The following UBR4 variants were observed in gnomAD, a reference collection of about 807,000 sequenced individuals.
UBR4 encodes ubiquitin protein ligase E3 component n-recognin 4.
UBR4 carries 124 observed loss-of-function variants against 575.6 expected under a neutral mutation model. The ratio of observed to expected loss-of-function variants is 0.22; its 90% confidence interval spans 0.19 to 0.25. The LOEUF (loss-of-function observed/expected upper bound fraction) is 0.25. Among genes scored for constraint, UBR4 ranks in the 10% least tolerant of loss-of-function variants. The pLI is 1.00. For synonymous variants in UBR4, 2,455 were observed against 2,473.7 expected, an observed-to-expected ratio of 0.99 and a Z score of 0.22; for missense variants, 4,818 against 6,478.8, an observed-to-expected ratio of 0.74 and a Z score of 8.80.
At position 19,088,952 on chromosome 1, in the gene UBR4, G is replaced by C. The variant is rs143617535; in HGVS notation, c.14237C>G (p.Pro4746Arg). The change falls in exon 98 of 106, where the codon CCG (proline) becomes CGG (arginine). Residue 4746 changes from proline (P) to arginine (R), a missense_variant. Pro to Arg is a moderately radical substitution (Grantham distance 103). Transcript: ENST00000375254. The surrounding 1 kb of genome is among the most constrained non-coding windows in gnomAD (Gnocchi z 4.0). ...CACCTGCTCCAGCTTATGCAGGTTC[G>C]GGATGGAATCAGTTCCAATCAGAAC... ...TQVLIGTDSI[P>R]NLHKLEQVSS... The C allele has an allele frequency of 1.2e-6, 2 of 1,614,160 alleles. No homozygotes were observed. The highest frequency in any genetic ancestry group is 8.5e-7 in the Non-Finnish European group (1 of 1,180,036).
At position 19,081,573 on chromosome 1, in the gene UBR4, T is replaced by C; in HGVS notation, c.15009A>G (p.Thr5003=). The change falls in exon 103 of 106, where the codon ACA becomes ACG. Residue 5003 remains threonine, a splice_region_variant and synonymous_variant. Transcript: ENST00000375254. ...IIHTVLYVLN[T]TRATSREEKN... ...TCTCTTCTCGGGAAGTTGCTCGGGT[T>C]CTAGAAGAAAAGCGGCATGATAAAA... The C allele has an allele frequency of 6.2e-7, 1 of 1,613,934 alleles. No individual in the cohort carries two copies. The highest frequency in any genetic ancestry group is 8.5e-7 in the Non-Finnish European group (1 of 1,180,002).
intron 43 of UBR4, 44 bp from the exon 44 acceptor site, chr1:19,155,119 T>C: frequency 6.2e-7 from 1 of 1,609,518 alleles, no homozygotes; most frequent in Non-Finnish European, 8.5e-7. Flanking sequence ...CATGTTGCCT[T>C]GGCTACCAAC....
At chr1:19,126,679 G>C in intron 63 of UBR4, 24 bp from the exon 64 acceptor site, 1 of 1,608,092 alleles carries the variant, frequency 6.2e-7, no homozygotes, top group East Asian at 2.2e-5. Context: ...AAAATACAGA[G>C]ATGGGAAGAA....
chr1:19,177,486 T>C lies in UBR4; in HGVS notation c.2612A>G (p.Lys871Arg). 6.2e-7 allele frequency: 1 copy of C among 1,614,128 alleles called. No homozygotes were observed. Among genetic ancestry groups the C allele is most frequent in the East Asian group, 2.2e-5 (1 of 44,876 alleles). The part of the protein sequence containing the change: ...IFDYLLHQYS[K>R]APVYLFEQVQ... ...CTGCTCAAATAGATACACAGGGGCTTTGGAGTACTGATGAAGCAGATAATC... is the reference window on the plus strand; with the variant it reads ...CTGCTCAAATAGATACACAGGGGCTCTGGAGTACTGATGAAGCAGATAATC... Residue 871 changes from lysine to arginine, a missense_variant, in exon 19 of 106, where the codon AAA (lysine) becomes AGA (arginine). This residue lies in a region of UBR4 where 1,172 missense variants were observed against 1,259.7 expected (regional missense o/e 0.93). Coordinates refer to ENST00000375254, the MANE Select transcript of UBR4 (RefSeq NM_020765.3).
intron 8 of UBR4, among the ~76,000 whole-genome samples, chr1:19,195,799 T>TGG (rs1456511358): frequency 6.6e-6 from 1 of 152,186 alleles, no homozygotes; most frequent in Non-Finnish European, 1.5e-5. Flanking sequence ...ACAGCCTGAA[T>TGG]GTTCTTCCTA....
rs147526116 is a variant in UBR4, at chr1:19,148,663, G to A, written c.7431-37C>T. ...GAAAACCTGGCTTGAGTACAACACC[G>A]TTCTCTCCGCCTTGCGCTTTAGCCT... On this transcript the variant is annotated intron_variant, in intron 49 of 105. Coordinates refer to ENST00000375254, the MANE Select transcript of UBR4 (RefSeq NM_020765.3). The A allele has an allele frequency of 4.3e-5, 70 of 1,611,196 alleles. 2 individuals carry two copies. Among genetic ancestry groups the A allele is most frequent in the Admixed American group, 3.2e-4 (19 of 59,972 alleles).
chr1:19,135,034 T>C (rs1171786742), intron 60 of UBR4, among the ~76,000 whole-genome samples: 1 of 152,240 alleles, frequency 6.6e-6, no homozygotes, highest in Non-Finnish European at 1.5e-5. Context: ...AGACATTTTG[T>C]CTTTTAAAGG....
chr1:19,144,921 A>G lies in UBR4; in HGVS notation c.7946-14T>C, dbSNP rs373953263. On this transcript the variant is annotated splice_polypyrimidine_tract_variant and intron_variant, in intron 53 of 105. Coordinates refer to ENST00000375254, the MANE Select transcript of UBR4 (RefSeq NM_020765.3). ...TATGAGTTAGTCCTAAAGGAGAGAC[A>G]AACATTATTTGAAAATCTGGAGGAA... 1.9e-5 allele frequency: 30 copies of G among 1,611,430 alleles called. No individual in the cohort carries two copies. Among genetic ancestry groups the G allele is most frequent in the Non-Finnish European group, 2.2e-5 (26 of 1,179,264 alleles).
At chr1:19,170,960 C>T in intron 25 of UBR4, 77 bp from the exon 26 acceptor site, 2 of 1,598,100 alleles carry the variant, frequency 1.3e-6, no homozygotes, top group East Asian at 2.2e-5. Context: ...CCTAGACTGG[C>T]TGAAAACCCT....
intron 39 of UBR4, among the ~76,000 whole-genome samples, chr1:19,159,785 G>A (rs963506047): frequency 2.0e-5 from 3 of 151,754 alleles, no homozygotes; most frequent in Admixed American, 6.6e-5. Flanking sequence ...TGTTTTTTGG[G>A]GTAGAGATGA....
intron 22 of UBR4, among the ~76,000 whole-genome samples, chr1:19,173,846 T>A (rs914781682): frequency 6.6e-6 from 1 of 152,236 alleles, no homozygotes; most frequent in Non-Finnish European, 1.5e-5. Context: ...ATTCTGCACA[T>A]TTCACAGACC....
At chr1:19,143,111 G>A (rs540829787) in intron 55 of UBR4, among the ~76,000 whole-genome samples, 1 of 131,860 alleles carries the variant, frequency 7.6e-6, no homozygotes, top group South Asian at 2.4e-4. Context: ...GAGAGAGAAA[G>A]AAAGAAAGAG....
intron 63 of UBR4, among the ~76,000 whole-genome samples, chr1:19,126,940 C>A (rs1018386669): frequency 6.6e-6 from 1 of 152,188 alleles, no homozygotes; most frequent in Non-Finnish European, 1.5e-5. Flanking sequence ...GATTAAATAA[C>A]CTTTCCCCCT....
At chr1:19,190,500 T>C (rs1320705601) in intron 11 of UBR4, among the ~76,000 whole-genome samples, 1 of 151,812 alleles carries the variant, frequency 6.6e-6, no homozygotes, top group East Asian at 1.9e-4. Context: ...CATATCCAAC[T>C]GCCCACTCAA....
intron 38 of UBR4, 96 bp from the exon 39 acceptor site, chr1:19,160,377 G>T: frequency 8.4e-7 from 1 of 1,186,130 alleles, no homozygotes; most frequent in Non-Finnish European, 1.2e-6. Context: ...ACTTCCTTCA[G>T]AATCCAGCTA....
chr1:19,111,004 G>A (rs562564752), intron 78 of UBR4, among the ~76,000 whole-genome samples, 172 bp from the exon 79 acceptor site: 2 of 152,240 alleles, frequency 1.3e-5, no homozygotes, highest in South Asian at 2.1e-4. Flanking sequence ...AACCGTGGTC[G>A]GTAATAATAA....
intron 11 of UBR4, among the ~76,000 whole-genome samples, chr1:19,188,945 G>T (rs1051030400): frequency 1.3e-5 from 2 of 152,000 alleles, no homozygotes; most frequent in African/African-American, 4.8e-5. Flanking sequence ...CTCTAGCCTA[G>T]GAGACAAAGT....
intron 6 of UBR4, 48 bp from the exon 7 acceptor site, chr1:19,197,859 C>T (rs1432012744): frequency 1.9e-6 from 3 of 1,612,604 alleles, no homozygotes; most frequent in Admixed American, 1.7e-5. Context: ...TTGTCTGATG[C>T]TTGATTCTTA....
intron 29 of UBR4, among the ~76,000 whole-genome samples, chr1:19,166,144 T>G (rs372778445): frequency 6.6e-6 from 1 of 152,222 alleles, no homozygotes; most frequent in Non-Finnish European, 1.5e-5. Context: ...AAAGGAATCC[T>G]TGATGAAAAC....
Sources: gnomAD v4.1 joint callset for allele counts (sites outside exome capture counted in the v4.1 genomes callset) on GRCh38, gnomAD v4.1.1 for gene constraint, gnomAD v4.1.1 regional missense constraint, Gnocchi (gnomAD v3.1) non-coding constraint, MANE v1.5 for transcripts, NCBI Gene and HGNC (gene_info 2026-07-23, HGNC 2026-07-21) for gene names.